Variants in KDM5B observed in about 807,000 individuals in gnomAD.
KDM5B encodes the protein lysine-specific demethylase 5B.
Under a neutral mutation model 193.4 loss-of-function variants are expected in KDM5B, and 144 were observed. The observed-to-expected ratio is 0.74, with a 90% CI of 0.65 to 0.86. The LOEUF (loss-of-function observed/expected upper bound fraction) is 0.86. Ranked by LOEUF, KDM5B falls within the 40% of genes least tolerant of loss-of-function variation. The probability of loss-of-function intolerance (pLI) is 0.00; values close to 1 mark genes in which losing one functional copy is unlikely to be tolerated. For missense variants in KDM5B, 1,833 were observed against 1,886.9 expected (o/e 0.97, Z 0.53); for synonymous variants, 668 against 682.6 (o/e 0.98, Z 0.33).
Position 202,760,426 on chromosome 1 carries a change from A to G in KDM5B, c.1066T>C (p.Cys356Arg), listed in dbSNP as rs766696946. ...VPKGDWRCPKCLAQECSKPQE... is the reference protein window; with the variant it reads ...VPKGDWRCPKRLAQECSKPQE... ...CTATTAATTATTACCTGAGCCAAACACTTAGGACACCTCCAGTCTCCCTTG... is the reference window on the plus strand; with the variant it reads ...CTATTAATTATTACCTGAGCCAAACGCTTAGGACACCTCCAGTCTCCCTTG... Residue 356 changes from cysteine to arginine, a missense_variant, in exon 8 of 27, where the codon TGT (cysteine) becomes CGT (arginine). Physicochemically the swap from Cys to Arg is radical, Grantham distance 180 (BLOSUM62 -3). Around this residue, in one of 3 missense-constraint regions of KDM5B, gnomAD observed 99 missense variants for 162.4 expected, o/e 0.61. Transcript: ENST00000367265. 1 of 1,607,240 alleles carries G rather than the reference A, an allele frequency of 6.2e-7. No homozygotes were observed. The highest frequency in any genetic ancestry group is 1.1e-5 in the South Asian group (1 of 89,712).
intron 6 of KDM5B, among the ~76,000 whole-genome samples, chr1:202,763,094 A>G (rs1656316478): frequency 6.6e-6 from 1 of 152,350 alleles, no homozygotes. Flanking sequence ...AGACCAAGAC[A>G]TAACATATAC....
Position 202,725,136 on chromosome 1 carries a change from T to C in KDM5B, c.*3900A>G, listed in dbSNP as rs1205032773. On this transcript the variant is annotated 3_prime_UTR_variant, in exon 27 of 27. Transcript: ENST00000367265. ...TTTCTAGCCCTTCATCCTTGCAAAA[T>C]TAACCCAGAACACAAACAGGGAGCT... 6.6e-6 allele frequency: 1 copy of C among 152,220 alleles called. No homozygotes were observed. The highest frequency in any genetic ancestry group is 6.5e-5 in the Admixed American group (1 of 15,284). The allele number at this position is 152,220 out of a possible 1,614,324, so 9.4% of individuals were successfully genotyped here.
Position 202,763,305 on chromosome 1 carries a change from C to A in KDM5B, c.809-497G>T, listed in dbSNP as rs367855461. 1.1e-4 allele frequency among the ~76,000 whole-genome samples: 17 copies of A among 152,290 alleles called. 1 individual carries two copies. The highest frequency in any genetic ancestry group is 6.5e-4 in the Admixed American group (10 of 15,292). On this transcript the variant is annotated intron_variant, in intron 6 of 26. Transcript: ENST00000367265. ...AATTACTGAACTATCATGTGGTAGG[C>A]ATTGTGCTCAATGCTTTCCATAAAG...
intron 7 of KDM5B, among the ~76,000 whole-genome samples, chr1:202,761,397 T>C (rs1656244459): frequency 6.6e-6 from 1 of 152,134 alleles, no homozygotes. Flanking sequence ...GTAGCTATGA[T>C]TGTGTCACTA....
rs1461691073 is a variant in KDM5B, at chr1:202,729,126, C to G, written c.4545G>C (p.Gln1515His). The G allele has an allele frequency of 1.2e-6, 2 of 1,614,110 alleles. No individual in the cohort carries two copies. Among genetic ancestry groups the G allele is most frequent in the Non-Finnish European group, 8.5e-7 (1 of 1,179,990 alleles). The stretch of plus-strand genomic sequence containing the variant: ...TCTCTGGGGAGACACCAACACAGAC[C>G]TGATGAAACCACTGATTGCAGCTGC... ...CDGSCNQWFH[Q>H]VCVGVSPEMA... is the part of the protein sequence containing the mutation. The change falls in exon 27 of 27, where the codon CAG (glutamine) becomes CAC (histidine). Residue 1515 changes from glutamine (Q) to histidine (H), a missense_variant. Gln to His is a conservative substitution (Grantham distance 24, BLOSUM62 0). Transcript: ENST00000367265.
chr1:202,772,814 A>T (rs1431267386), intron 4 of KDM5B, among the ~76,000 whole-genome samples: 1 of 151,742 alleles, frequency 6.6e-6, no homozygotes, highest in Non-Finnish European at 1.5e-5. Context: ...CTCCTGCCTC[A>T]GCCTCCCTAG....
intron 1 of KDM5B, among the ~76,000 whole-genome samples, chr1:202,802,663 G>A (rs1377520415): frequency 6.6e-6 from 1 of 151,930 alleles, no homozygotes; most frequent in East Asian, 1.9e-4. Context: ...AAAAGTGCTG[G>A]GATTACAGGC....
At chr1:202,796,334 C>A (rs2102339208) in intron 1 of KDM5B, 4 of 363,422 alleles carry the variant, frequency 1.1e-5, no homozygotes, top group South Asian at 9.8e-5. Flanking sequence ...TTCACTGGCA[C>A]CTTGGATGCC....
At chr1:202,761,297 T>G (rs1324089519) in intron 7 of KDM5B, among the ~76,000 whole-genome samples, 1 of 151,870 alleles carries the variant, frequency 6.6e-6, no homozygotes, top group East Asian at 1.9e-4. Flanking sequence ...AAAGAAAAAT[T>G]AGCCGGGCAT....
chr1:202,752,070 C>T (rs1655812116), intron 12 of KDM5B, among the ~76,000 whole-genome samples: 1 of 152,164 alleles, frequency 6.6e-6, no homozygotes, highest in Non-Finnish European at 1.5e-5. Flanking sequence ...TAGGTCACAA[C>T]AAGTTCACTT....
intron 1 of KDM5B, among the ~76,000 whole-genome samples, chr1:202,780,129 A>G (rs934698539): frequency 5.9e-5 from 9 of 152,102 alleles, no homozygotes; most frequent in African/African-American, 2.2e-4. Flanking sequence ...GTTTTTAGCT[A>G]TCAGATTAAC....
Position 202,729,892 on chromosome 1 carries a change from T to C in KDM5B, c.4312A>G (p.Ile1438Val). 6.2e-7 allele frequency: 1 copy of C among 1,614,174 alleles called. No individual in the cohort carries two copies. Among genetic ancestry groups the C allele is most frequent in the Non-Finnish European group, 8.5e-7 (1 of 1,180,024 alleles). Residue 1438 changes from isoleucine (I) to valine (V), a missense_variant, in exon 26 of 27, where the codon ATC becomes GTC. Physicochemically the swap from Ile to Val is conservative, Grantham distance 29. Coordinates refer to ENST00000367265, the MANE Select transcript of KDM5B (RefSeq NM_006618.5). ...ATGTCCTTGGGGTGGCTCAGTTTGA[T>C]TTTCTTCTTTTTGGGGGTCCGCATT... ...KKMRTPKKKK[I>V]KLSHPKDMNN...
intron 1 of KDM5B, among the ~76,000 whole-genome samples, chr1:202,785,567 A>G (rs763874244): frequency 2.7e-5 from 4 of 148,084 alleles, no homozygotes; most frequent in South Asian, 4.4e-4. Flanking sequence ...GTAAAATAAT[A>G]CAGGTAGAAC....
intron 19 of KDM5B, 66 bp from the exon 20 acceptor site, chr1:202,740,878 A>G (rs1315755071): frequency 1.3e-6 from 2 of 1,486,756 alleles, no homozygotes; most frequent in East Asian, 2.3e-5. Flanking sequence ...ATGGTTACCA[A>G]AAAAACTAGC....
At chr1:202,733,282 G>A in intron 23 of KDM5B, 119 bp downstream of exon 23, 1 of 1,083,956 alleles carries the variant, frequency 9.2e-7, no homozygotes, top group Non-Finnish European at 1.3e-6. Flanking sequence ...GGTAAAGTGG[G>A]TGCTGTTAAC....
At chr1:202,749,386 T>C (rs1365166127) in intron 13 of KDM5B, among the ~76,000 whole-genome samples, 3 of 151,990 alleles carry the variant, frequency 2.0e-5, no homozygotes, top group Non-Finnish European at 2.9e-5. Flanking sequence ...TGAAATCCCA[T>C]CTCTACAAAC....
At position 202,734,297 on chromosome 1, in the gene KDM5B, T is replaced by TAAAAA. The variant is rs35019533; in HGVS notation, c.3424-416_3424-412dup. Among the ~76,000 whole-genome samples the TAAAAA allele has an allele frequency of 8.1e-4, 83 of 102,526 alleles. 1 individual carries two copies. Among genetic ancestry groups the TAAAAA allele is most frequent in the East Asian group, 2.1e-3 (7 of 3,342 alleles). 67.3% of individuals were successfully genotyped at this position (102,526 alleles called of 152,430 possible). Reference sequence around the variant, plus strand: ...AGAATAAACTCTCCATTATCTCTATTAAAAAAAAAAAAAAAAAGCCTAAAA... The same window carrying TAAAAA: ...AGAATAAACTCTCCATTATCTCTATTAAAAAAAAAAAAAAAAAAAAAAGCCTAAAA... On this transcript the variant is annotated intron_variant, in intron 22 of 26. Transcript: ENST00000367265.
intron 12 of KDM5B, among the ~76,000 whole-genome samples, chr1:202,752,141 A>C (rs1655814260): frequency 1.3e-5 from 2 of 152,228 alleles, no homozygotes; most frequent in Admixed American, 1.3e-4. Flanking sequence ...CATACATTTC[A>C]ATATGGCTTC....
At chr1:202,774,767 T>C (rs751168939) in intron 2 of KDM5B, 32 bp from the exon 3 acceptor site, 1 of 1,597,654 alleles carries the variant, frequency 6.3e-7, no homozygotes, top group Non-Finnish European at 8.6e-7. Flanking sequence ...TTTCATCTCA[T>C]TTAGCTTATT....
Sources: gnomAD v4.1 joint callset for allele counts (sites outside exome capture counted in the v4.1 genomes callset) on GRCh38, gnomAD v4.1.1 for gene constraint, gnomAD v4.1.1 regional missense constraint, MANE v1.5 for transcripts, NCBI Gene and HGNC (gene_info 2026-07-23, HGNC 2026-07-21) for gene names.